RGS12: variants seen among roughly 807,000 people sequenced by gnomAD.
RGS12 encodes the protein regulator of G protein signaling 12, also known as regulator of G-protein signaling 12.
RGS12 carries 66 observed loss-of-function variants against 120.1 expected under a neutral mutation model. The ratio of observed to expected loss-of-function variants is 0.55; its 90% confidence interval spans 0.45 to 0.67. The LOEUF (loss-of-function observed/expected upper bound fraction) is 0.67. RGS12 is among the 30% of genes least tolerant of loss of function. RGS12 has a pLI of 0.00. For synonymous variants in RGS12, 827 were observed against 804.7 expected (o/e 1.03, Z -0.47); for missense variants, 1,859 against 1,957.7 (o/e 0.95, Z 0.95).
rs186411351 is a variant in RGS12 at position 3,431,311 on chromosome 4, C to T, written c.4114+356C>T. Reference sequence around the variant, plus strand: ...GGCATTCCTTTCCAAATCTGGACAGCGATCGTTTTTAGTGTTTCTGTCTCA... The same window carrying T: ...GGCATTCCTTTCCAAATCTGGACAGTGATCGTTTTTAGTGTTTCTGTCTCA... On this transcript the variant is annotated intron_variant, in intron 17 of 17. Coordinates refer to ENST00000336727, the MANE Select transcript of RGS12 (RefSeq NM_001394154.1). 19 of 1,118,344 alleles carry T rather than the reference C, an allele frequency of 1.7e-5. No individual in the cohort carries two copies. The Admixed American group carries it at 4.6e-4, about 27-fold the overall frequency. 69.3% of individuals were successfully genotyped at this position (1,118,344 alleles called of 1,614,324 possible). A position where few individuals can be genotyped will look rare whatever the true frequency, so the allele number is the denominator to read the frequency against.
At chr4:3,422,609 A>T (rs377156779) in intron 11 of RGS12, 39 bp downstream of exon 11, 1 of 1,584,748 alleles carries the variant, frequency 6.3e-7, no homozygotes, top group African/African-American at 1.3e-5. Flanking sequence ...CCCTCAGGCC[A>T]TGACCTCCCC....
chr4:3,430,969 C>T lies in RGS12; in HGVS notation c.4114+14C>T. ...CTTCCAGACCAGGTACCTCCAGGTT[C>T]TGATCCCTCCACCTTGGCCCCGTAA... On this transcript the variant is annotated intron_variant, in intron 17 of 17. Transcript: ENST00000336727. The T allele has an allele frequency of 6.2e-7, 1 of 1,611,186 alleles. No homozygotes were observed. The highest frequency in any genetic ancestry group is 1.1e-5 in the South Asian group (1 of 91,010).
intron 17 of RGS12, among the ~76,000 whole-genome samples, chr4:3,434,511 G>A (rs763783309): frequency 6.6e-6 from 1 of 152,118 alleles, no homozygotes; most frequent in Non-Finnish European, 1.5e-5. Flanking sequence ...TCTGTGTCTC[G>A]ACACAGGGAC....
At chr4:3,286,279 C>G in the RGS12 span, among the ~76,000 whole-genome samples, 2 of 152,164 alleles carry the variant, frequency 1.3e-5, no homozygotes, top group Admixed American at 6.5e-5. Flanking sequence ...TGGTTTCTTT[C>G]GACACACTGA....
At chr4:3,362,620 GGTGT>G (rs1336509683) in intron 3 of RGS12, among the ~76,000 whole-genome samples, 1 of 146,670 alleles carries the variant, frequency 6.8e-6, no homozygotes, top group African/African-American at 2.5e-5. Flanking sequence ...GTCGTGAGGG[GGTGT>G]GTGTGAATGT....
At chr4:3,306,180 C>A (rs1723957734) in intron 1 of RGS12, among the ~76,000 whole-genome samples, 1 of 152,248 alleles carries the variant, frequency 6.6e-6, no homozygotes, top group African/African-American at 2.4e-5. Context: ...AGGCTCCAGC[C>A]ATCTTGTTGG....
At position 3,352,083 on chromosome 4, in the gene RGS12, G is replaced by C. The variant is rs772438518; in HGVS notation, c.1998+9030G>C. Among the ~76,000 whole-genome samples the C allele has an allele frequency of 3.2e-4, 49 of 152,268 alleles. 1 individual carries two copies. The Middle Eastern group carries it at 0.01, about 32-fold the overall frequency. On this transcript the variant is annotated intron_variant, in intron 3 of 17. Coordinates refer to ENST00000336727, the MANE Select transcript of RGS12 (RefSeq NM_001394154.1). ...TTCACAGAAATTTTAAGCCAGGCAT[G>C]CAGTCCAAACAAAACATTAAACCGG...
chr4:3,318,588 C>A (rs1316612627), intron 2 of RGS12, among the ~76,000 whole-genome samples: 2 of 152,242 alleles, frequency 1.3e-5, no homozygotes, highest in African/African-American at 4.8e-5. Context: ...CCCCACGCCG[C>A]CTGCTCACTG....
At chr4:3,342,702 A>G (rs1713365632) in intron 2 of RGS12, 2 of 793,064 alleles carry the variant, frequency 2.5e-6, no homozygotes, top group Admixed American at 3.0e-5. Context: ...TCAGAGGCAC[A>G]CAGTTGGCAG....
At position 3,431,751 on chromosome 4, in the gene RGS12, TG is replaced by T. The variant is rs957064048; in HGVS notation, c.4114+797del. 5.2e-5 allele frequency: 51 copies of T among 985,304 alleles called. No individual in the cohort carries two copies. In the African/African-American group the frequency reaches 8.2e-4, roughly 16 times the overall value. The allele number at this position is 985,304 out of a possible 1,614,324, so 61.0% of individuals were successfully genotyped here. Reference sequence around the variant, plus strand: ...GCCGCTCAGGGTGCGCGTCATGGAGTGTGCTCAGGGGTGCGTGGACACCTCT... The same window carrying T: ...GCCGCTCAGGGTGCGCGTCATGGAGTTGCTCAGGGGTGCGTGGACACCTCT... On this transcript the variant is annotated intron_variant, in intron 17 of 17. Coordinates refer to ENST00000336727, the MANE Select transcript of RGS12 (RefSeq NM_001394154.1).
chr4:3,294,256 G>A (rs1461899468), intron 1 of RGS12, among the ~76,000 whole-genome samples: 1 of 152,240 alleles, frequency 6.6e-6, no homozygotes, highest in African/African-American at 2.4e-5. Flanking sequence ...CACAGAAGGG[G>A]CGCTGGGGGG....
chr4:3,421,705 A>C (rs1469398947), intron 10 of RGS12, among the ~76,000 whole-genome samples: 1 of 152,236 alleles, frequency 6.6e-6, no homozygotes, highest in East Asian at 1.9e-4. Context: ...GACAGTGAGC[A>C]GAGTAAGGAC....
intron 3 of RGS12, among the ~76,000 whole-genome samples, chr4:3,379,159 A>T (rs760145339): frequency 6.6e-5 from 10 of 152,196 alleles, no homozygotes; most frequent in South Asian, 6.2e-4. Flanking sequence ...CTCTAAAAAC[A>T]TTGAATTCAT....
intron 4 of RGS12, among the ~76,000 whole-genome samples, chr4:3,394,563 T>C (rs1043483487): frequency 1.3e-5 from 2 of 152,262 alleles, no homozygotes; most frequent in Non-Finnish European, 2.9e-5. Context: ...TAAATGATAC[T>C]GATGTAGAAA....
chr4:3,420,425 T>G (rs929234478), intron 9 of RGS12: 1 of 607,008 alleles, frequency 1.6e-6, no homozygotes, highest in African/African-American at 2.0e-5. Flanking sequence ...TGCTGCATGG[T>G]GGGTAGAGCC....
intron 3 of RGS12, among the ~76,000 whole-genome samples, chr4:3,353,856 A>G (rs540956108): frequency 1.3e-5 from 2 of 152,136 alleles, no homozygotes; most frequent in African/African-American, 2.4e-5. Context: ...GTCCACAGAT[A>G]GTGTCCATTC....
At chr4:3,378,644 A>G (rs1445266195) in intron 3 of RGS12, 2 of 152,264 alleles carry the variant, frequency 1.3e-5, no homozygotes, top group Non-Finnish European at 2.9e-5. Context: ...CAGATGGCCA[A>G]CAGGTATATG....
intron 1 of RGS12, among the ~76,000 whole-genome samples, chr4:3,310,280 C>G (rs6817100): frequency 0.075 from 1,686 of 22,624 alleles, 1 homozygote; most frequent in Middle Eastern, 0.12. Flanking sequence ...GGAACCGTGT[C>G]GGGGAGGAGC....
chr4:3,378,083 A>G (rs1717883508), intron 3 of RGS12: 1 of 152,234 alleles, frequency 6.6e-6, no homozygotes, highest in South Asian at 2.1e-4. Flanking sequence ...GTATAGGCCA[A>G]TGAAAACAAG....
Sources: allele counts gnomAD v4.1 joint callset (sites outside exome capture counted in the v4.1 genomes callset), GRCh38; gene constraint gnomAD v4.1.1; transcripts MANE v1.5; gene names NCBI Gene and HGNC (gene_info 2026-07-23, HGNC 2026-07-21).